CDC14B: variants seen among roughly 807,000 people sequenced by gnomAD.
The protein encoded by CDC14B is cell division cycle 14B, also known as dual specificity protein phosphatase CDC14B.
Under a neutral mutation model 64.2 loss-of-function variants are expected in CDC14B, and 22 were observed. That is an observed-to-expected ratio of 0.34 (90% confidence interval 0.24 to 0.49). The LOEUF (loss-of-function observed/expected upper bound fraction) is 0.49. Ranked by LOEUF, CDC14B falls within the 20% of genes least tolerant of loss-of-function variation. The pLI is 0.99. For synonymous variants in CDC14B, 191 were observed against 215.8 expected (o/e 0.89, Z 1.01); for missense variants, 498 against 629.9 (o/e 0.79, Z 2.24).
chr9:96,588,681 C>T (rs929230281), intron 1 of CDC14B, among the ~76,000 whole-genome samples: 1 of 152,062 alleles, frequency 6.6e-6, no homozygotes, highest in African/African-American at 2.4e-5. Context: ...AAGACAAGGT[C>T]TTGCTATGTT....
chr9:96,520,448 T>A (rs1429747155), intron 12 of CDC14B, among the ~76,000 whole-genome samples: 1 of 152,128 alleles, frequency 6.6e-6, no homozygotes, highest in Non-Finnish European at 1.5e-5. Flanking sequence ...TGGGCTCAAG[T>A]AGTCCTGTTG....
At chr9:96,495,958 C>G (rs955515424), downstream of CDC14B, among the ~76,000 whole-genome samples, 3 of 152,152 alleles carry the variant, frequency 2.0e-5, no homozygotes, top group African/African-American at 7.2e-5. Context: ...ATCGATGCAG[C>G]CTTCAAAAAT....
intron 12 of CDC14B, among the ~76,000 whole-genome samples, chr9:96,513,804 G>C (rs1279738713): frequency 6.6e-6 from 1 of 152,192 alleles, no homozygotes; most frequent in Non-Finnish European, 1.5e-5. Context: ...CTCTGAGTCT[G>C]ACTCAGAAGC....
At chr9:96,516,149 G>A (rs1218352492) in intron 12 of CDC14B, among the ~76,000 whole-genome samples, 3 of 152,070 alleles carry the variant, frequency 2.0e-5, no homozygotes, top group Non-Finnish European at 4.4e-5. Flanking sequence ...AAGGGGCAAA[G>A]GAGGCAAAAC....
chr9:96,552,923 T>C (rs559510814), intron 4 of CDC14B, among the ~76,000 whole-genome samples: 120 of 151,220 alleles, frequency 7.9e-4, no homozygotes, highest in Non-Finnish European at 1.4e-3. Context: ...ATTTCACTAA[T>C]AAAAAAAAAG....
chr9:96,499,476 T>A (rs1363802062), downstream of CDC14B, among the ~76,000 whole-genome samples: 1 of 152,198 alleles, frequency 6.6e-6, no homozygotes, highest in Non-Finnish European at 1.5e-5. Context: ...CCGCCCGACC[T>A]TGGCAGGCAA....
intron 7 of CDC14B, among the ~76,000 whole-genome samples, chr9:96,538,112 A>C (rs528390366): frequency 8.5e-5 from 13 of 152,346 alleles, no homozygotes; most frequent in African/African-American, 3.1e-4. Flanking sequence ...GGCAAAAACA[A>C]AGATATTTTC....
intron 1 of CDC14B, among the ~76,000 whole-genome samples, chr9:96,604,342 TTTA>T (rs148185898): frequency 0.19 from 24,370 of 131,490 alleles, 2,262 homozygotes; most frequent in Non-Finnish European, 0.22. Flanking sequence ...GAAGCTTGCA[TTTA>T]TTATTATTAT....
At chr9:96,519,141 T>G (rs2131470316) in intron 12 of CDC14B, among the ~76,000 whole-genome samples, 1 of 151,818 alleles carries the variant, frequency 6.6e-6, no homozygotes, top group South Asian at 2.1e-4. Context: ...GTCTCAAAAA[T>G]AAAAATAAAA....
chr9:96,503,823 A>C (rs747148403), intron 13 of CDC14B, 34 bp from the exon 14 acceptor site: 1 of 1,569,138 alleles, frequency 6.4e-7, no homozygotes, highest in Non-Finnish European at 8.8e-7. Flanking sequence ...TTTACCAGAA[A>C]GTTTACACAG....
intron 9 of CDC14B, among the ~76,000 whole-genome samples, chr9:96,527,936 T>G (rs1837841614): frequency 6.6e-6 from 1 of 151,878 alleles, no homozygotes; most frequent in Non-Finnish European, 1.5e-5. Context: ...CATTAAACAA[T>G]AACTACCAAT....
chr9:96,603,227 G>A (rs1005858423), intron 1 of CDC14B, among the ~76,000 whole-genome samples: 1 of 151,278 alleles, frequency 6.6e-6, no homozygotes, highest in South Asian at 2.1e-4. Context: ...ACACACAAGA[G>A]GTTAGTAATA....
intron 13 of CDC14B, 42 bp from the exon 14 acceptor site, chr9:96,503,831 C>T (rs1273487536): frequency 6.7e-7 from 1 of 1,502,868 alleles, no homozygotes; most frequent in Non-Finnish European, 9.2e-7. Context: ...AAAGTTTACA[C>T]AGCGTCCACA....
intron 6 of CDC14B, 51 bp downstream of exon 6, chr9:96,541,775 C>A: frequency 7.7e-7 from 1 of 1,295,964 alleles, no homozygotes; most frequent in Non-Finnish European, 1.1e-6. Flanking sequence ...TTTCTTGGAC[C>A]GCATGTTAGT....
rs186661774 is a variant in CDC14B, at chr9:96,503,173, T to G, written c.*580A>C. 31 of 319,292 alleles carry G rather than the reference T, an allele frequency of 9.7e-5. No individual in the cohort carries two copies. The East Asian group carries it at 1.4e-3, about 15-fold the overall frequency. 19.8% of individuals were successfully genotyped at this position (319,292 alleles called of 1,614,324 possible). A position where few individuals can be genotyped will look rare whatever the true frequency, so the allele number is the denominator to read the frequency against. On this transcript the variant is annotated 3_prime_UTR_variant, in exon 14 of 14. Coordinates refer to ENST00000375241, the MANE Select transcript of CDC14B (RefSeq NM_033331.4). The stretch of plus-strand genomic sequence containing the variant: ...GTGTTTAAATGTGATTTTCACAGAT[T>G]CTTGTTAATAAAGCACTCTTTGGTG...
At chr9:96,570,047 C>T (rs1241287869) in intron 1 of CDC14B, among the ~76,000 whole-genome samples, 2 of 152,156 alleles carry the variant, frequency 1.3e-5, no homozygotes, top group Admixed American at 6.5e-5. Context: ...ATCATCACTA[C>T]TTCTTCTTTG....
chr9:96,520,013 A>C (rs1410299935), intron 12 of CDC14B, among the ~76,000 whole-genome samples: 1 of 152,252 alleles, frequency 6.6e-6, no homozygotes, highest in Non-Finnish European at 1.5e-5. Context: ...ATAACAACAT[A>C]GACACAAGAG....
At chr9:96,557,076 T>C (rs1485960425) in intron 4 of CDC14B, among the ~76,000 whole-genome samples, 1 of 152,188 alleles carries the variant, frequency 6.6e-6, no homozygotes, top group Non-Finnish European at 1.5e-5. Context: ...CTTCACTTTT[T>C]CCCCAAGTTA....
chr9:96,526,312 G>A (rs1209564599), intron 9 of CDC14B, among the ~76,000 whole-genome samples: 1 of 152,206 alleles, frequency 6.6e-6, no homozygotes, highest in Non-Finnish European at 1.5e-5. Flanking sequence ...AGCTTGCAGT[G>A]AGCTGAGATC....
Sources: gnomAD v4.1 joint callset for allele counts (sites outside exome capture counted in the v4.1 genomes callset) on GRCh38, gnomAD v4.1.1 for gene constraint, MANE v1.5 for transcripts, NCBI Gene and HGNC (gene_info 2026-07-23, HGNC 2026-07-21) for gene names.